PHACTR1: variants seen among roughly 807,000 people sequenced by gnomAD.
The protein encoded by PHACTR1 is phosphatase and actin regulator 1, also known as RPEL repeat containing 1.
PHACTR1 carries 16 observed loss-of-function variants against 69.2 expected under a neutral mutation model. That is an observed-to-expected ratio of 0.23 (90% CI 0.16 to 0.35). The LOEUF (loss-of-function observed/expected upper bound fraction) is 0.35. Ranked by LOEUF, PHACTR1 falls within the 10% of genes least tolerant of loss-of-function variation. The pLI is 1.00. For synonymous variants in PHACTR1, 312 were observed against 284.5 expected (o/e 1.10, Z -0.97); for missense variants, 510 against 734.7 (o/e 0.69, Z 3.54).
intron 5 of PHACTR1, among the ~76,000 whole-genome samples, chr6:13,059,935 C>T (rs943896166): frequency 1.3e-5 from 2 of 151,942 alleles, no homozygotes; most frequent in Non-Finnish European, 2.9e-5. Flanking sequence ...GTAAGATTGG[C>T]TAGGAAACAA....
chr6:13,008,903 G>A (rs911291471), intron 4 of PHACTR1, among the ~76,000 whole-genome samples: 11 of 152,142 alleles, frequency 7.2e-5, no homozygotes, highest in African/African-American at 2.2e-4. Context: ...CAAAGTTAGC[G>A]GCTTAAAACA....
In PHACTR1 at chr6:12,898,974, T is replaced by G. The variant is rs187045804; in HGVS notation, c.250+149184T>G. 1.6e-3 allele frequency among the ~76,000 whole-genome samples: 250 copies of G among 152,290 alleles called. 2 individuals carry two copies. The highest frequency in any genetic ancestry group is 5.8e-3 in the African/African-American group (243 of 41,550). ...CCCCTGGGCCTGTCTGAAATGTGCT[T>G]CCACCAGCAAAGCTACCCCACTCCA... On this transcript the variant is annotated intron_variant, in intron 4 of 14. Transcript: ENST00000332995.
At chr6:13,088,071 A>G (rs1812603565) in intron 5 of PHACTR1, among the ~76,000 whole-genome samples, 1 of 152,038 alleles carries the variant, frequency 6.6e-6, no homozygotes, top group East Asian at 1.9e-4. Context: ...TACCCCCTCT[A>G]TTTAACATAG....
intron 4 of PHACTR1, among the ~76,000 whole-genome samples, chr6:13,032,563 C>T (rs940136768): frequency 1.3e-4 from 20 of 151,726 alleles, no homozygotes; most frequent in Middle Eastern, 3.2e-3. Flanking sequence ...TATATTTATG[C>T]GATATTTACT....
chr6:13,079,528 C>T (rs757575172), intron 5 of PHACTR1, among the ~76,000 whole-genome samples: 2 of 152,058 alleles, frequency 1.3e-5, no homozygotes, highest in Admixed American at 1.3e-4. Flanking sequence ...TCACTCCTCT[C>T]GCTACAGGAG....
chr6:12,758,663 G>A (rs1274505698), intron 4 of PHACTR1, among the ~76,000 whole-genome samples: 1 of 152,010 alleles, frequency 6.6e-6, no homozygotes, highest in African/African-American at 2.4e-5. Flanking sequence ...CTGGAATTTG[G>A]ATTCTGTTTC....
At chr6:13,167,656 C>T (rs763958879) in intron 6 of PHACTR1, among the ~76,000 whole-genome samples, 1 of 152,186 alleles carries the variant, frequency 6.6e-6, no homozygotes, top group Non-Finnish European at 1.5e-5. Flanking sequence ...GACAGTGTGC[C>T]AGTGAGCAAC....
At chr6:13,267,527 T>C (rs1471091549) in intron 10 of PHACTR1, 1 of 152,174 alleles carries the variant, frequency 6.6e-6, no homozygotes, top group Non-Finnish European at 1.5e-5. Flanking sequence ...GCTGCAAGAA[T>C]GTACAGTGCC....
At position 13,280,085 on chromosome 6, in the gene PHACTR1, G is replaced by A. The variant is rs1051176104; in HGVS notation, c.1509+1756G>A. ...TATTTAATTCCTATCTCTTAACAAA[G>A]TTGATATGATTTTGCGGAGAACTTG... On this transcript the variant is annotated intron_variant, in intron 12 of 14. Coordinates refer to ENST00000332995, the MANE Select transcript of PHACTR1 (RefSeq NM_030948.6). 21 of 152,282 alleles carry A rather than the reference G, an allele frequency of 1.4e-4. No homozygotes were observed. In the East Asian group the frequency reaches 3.9e-3, roughly 28 times the overall value. The allele number at this position is 152,282 out of a possible 1,614,324, so 9.4% of individuals were successfully genotyped here.
intron 4 of PHACTR1, among the ~76,000 whole-genome samples, chr6:12,773,939 A>T (rs953394887): frequency 1.3e-5 from 2 of 152,190 alleles, no homozygotes; most frequent in African/African-American, 4.8e-5. Context: ...CTGCCCAGAA[A>T]GTATATTCTA....
intron 10 of PHACTR1, among the ~76,000 whole-genome samples, chr6:13,231,009 G>T (rs1770815717): frequency 6.8e-6 from 1 of 147,462 alleles, no homozygotes; most frequent in African/African-American, 2.5e-5. Context: ...GAGAGAGAGA[G>T]AGAGAGAAGG....
intron 4 of PHACTR1, among the ~76,000 whole-genome samples, chr6:12,986,907 C>T (rs1796254229): frequency 6.6e-6 from 1 of 152,256 alleles, no homozygotes; most frequent in South Asian, 2.1e-4. Flanking sequence ...CTAAGAAATG[C>T]ACCTGAAAGA....
intron 4 of PHACTR1, among the ~76,000 whole-genome samples, chr6:12,756,456 T>C (rs947412360): frequency 6.6e-6 from 1 of 152,196 alleles, no homozygotes; most frequent in African/African-American, 2.4e-5. Context: ...AAGTCTTCTA[T>C]ATAATGAAGG....
At chr6:13,191,968 T>G (rs1763665821) in intron 7 of PHACTR1, among the ~76,000 whole-genome samples, 1 of 152,244 alleles carries the variant, frequency 6.6e-6, no homozygotes, top group Non-Finnish European at 1.5e-5. Flanking sequence ...TAAAGGATGC[T>G]TTCTGCTCTG....
intron 3 of PHACTR1, among the ~76,000 whole-genome samples, chr6:12,742,446 TG>T (rs1228004608): frequency 6.6e-6 from 1 of 152,158 alleles, no homozygotes; most frequent in African/African-American, 2.4e-5. Flanking sequence ...GTTGCCATCT[TG>T]GTTTTGGTGG....
chr6:13,141,159 G>A (rs1435698803), intron 5 of PHACTR1, among the ~76,000 whole-genome samples: 1 of 152,160 alleles, frequency 6.6e-6, no homozygotes, highest in Non-Finnish European at 1.5e-5. Flanking sequence ...GATCAGCTGG[G>A]TTCCCATCAG....
chr6:13,139,781 A>G (rs904246100), intron 5 of PHACTR1, among the ~76,000 whole-genome samples: 1 of 152,178 alleles, frequency 6.6e-6, no homozygotes, highest in Admixed American at 6.5e-5. Context: ...CTAAGTCTCT[A>G]TTTTGAAATT....
At chr6:12,966,422 AG>A (rs1362973240) in intron 4 of PHACTR1, among the ~76,000 whole-genome samples, 4 of 152,228 alleles carry the variant, frequency 2.6e-5, no homozygotes, top group Non-Finnish European at 5.9e-5. Context: ...AGCACAGAAC[AG>A]GGAATGCAAA....
intron 10 of PHACTR1, chr6:13,272,546 C>T (rs887814469): frequency 1.8e-6 from 1 of 548,350 alleles, no homozygotes; most frequent in Middle Eastern, 5.2e-4. Flanking sequence ...AAGAAAAGGA[C>T]TTCTGTGAAG....
Sources: gnomAD v4.1 joint callset for allele counts (sites outside exome capture counted in the v4.1 genomes callset) on GRCh38, gnomAD v4.1.1 for gene constraint, MANE v1.5 for transcripts, NCBI Gene and HGNC (gene_info 2026-07-23, HGNC 2026-07-21) for gene names.